Variants in ASIC2 observed in about 807,000 individuals in gnomAD.
ASIC2 encodes the protein acid-sensing ion channel 2.
ASIC2 carries 25 observed loss-of-function variants against 57.3 expected under a neutral mutation model. The observed-to-expected ratio is 0.44, with a 90% CI of 0.32 to 0.61. ASIC2 has a LOEUF of 0.61. Ranked by LOEUF, ASIC2 falls within the 20% of genes least tolerant of loss-of-function variation. The probability of loss-of-function intolerance (pLI) is 0.06; values close to 1 mark genes in which losing one functional copy is unlikely to be tolerated. For synonymous variants in ASIC2, 319 were observed against 307.5 expected (o/e 1.04, Z -0.39); for missense variants, 641 against 738.1 (o/e 0.87, Z 1.52).
At chr17:34,111,895 T>C (rs897952917) in intron 1 of ASIC2, among the ~76,000 whole-genome samples, 5 of 152,212 alleles carry the variant, frequency 3.3e-5, no homozygotes, top group Admixed American at 6.5e-5. Context: ...AGTGATTATT[T>C]AGTGATTTTG....
intron 1 of ASIC2, among the ~76,000 whole-genome samples, chr17:33,703,427 A>T (rs928024001): frequency 6.6e-6 from 1 of 151,480 alleles, no homozygotes; most frequent in Non-Finnish European, 1.5e-5. Context: ...ATCTCTGCTT[A>T]CTGCAACCTC....
chr17:33,337,641 G>C (rs553093028), intron 1 of ASIC2, among the ~76,000 whole-genome samples: 2 of 152,362 alleles, frequency 1.3e-5, no homozygotes, highest in South Asian at 4.1e-4. Flanking sequence ...GCTAGGCAAA[G>C]AGGGTGGAGA....
chr17:33,280,324 C>A (rs1370123777), intron 1 of ASIC2, among the ~76,000 whole-genome samples: 2 of 152,150 alleles, frequency 1.3e-5, no homozygotes. Flanking sequence ...ACAAAAAAGG[C>A]TCTCACTCCA....
intron 1 of ASIC2, among the ~76,000 whole-genome samples, chr17:33,783,176 CA>C (rs1264885140): frequency 2.0e-5 from 3 of 152,214 alleles, no homozygotes; most frequent in Admixed American, 1.3e-4. Flanking sequence ...ACCTGCTTAC[CA>C]GTTGATTGTT....
chr17:33,871,782 A>G (rs370082), intron 1 of ASIC2, among the ~76,000 whole-genome samples: 41,610 of 151,960 alleles, frequency 0.27, 5,961 homozygotes, highest in Middle Eastern at 0.36. Context: ...TGGAGGTGAT[A>G]GTAAACAGTC....
intron 1 of ASIC2, among the ~76,000 whole-genome samples, chr17:33,888,931 G>A (rs1248633312): frequency 6.6e-6 from 1 of 152,004 alleles, no homozygotes; most frequent in South Asian, 2.1e-4. Context: ...GGAAGCAGAG[G>A]GACCCAAAAG....
intron 1 of ASIC2, among the ~76,000 whole-genome samples, chr17:34,064,556 T>TA (rs1042153742): frequency 2.0e-5 from 3 of 151,978 alleles, no homozygotes; most frequent in African/African-American, 7.2e-5. Flanking sequence ...GCTTTTTTTT[T>TA]ACAGCAAAAG....
At chr17:33,515,994 CG>C (rs1371563178) in intron 1 of ASIC2, among the ~76,000 whole-genome samples, 3 of 151,636 alleles carry the variant, frequency 2.0e-5, no homozygotes, top group Non-Finnish European at 4.4e-5. Context: ...CTACTTGGGG[CG>C]GGGGATGGCT....
chr17:33,633,229 C>T (rs7221246), intron 1 of ASIC2, among the ~76,000 whole-genome samples: 44,726 of 152,024 alleles, frequency 0.29, 6,739 homozygotes, highest in East Asian at 0.42. Flanking sequence ...CTTGCCACAG[C>T]GCTCCTGACC....
intron 1 of ASIC2, among the ~76,000 whole-genome samples, chr17:33,539,429 G>A (rs1218020807): frequency 6.6e-6 from 1 of 152,228 alleles, no homozygotes; most frequent in Non-Finnish European, 1.5e-5. Context: ...CTCAAGGCTG[G>A]ATTCCAAGGT....
intron 1 of ASIC2, among the ~76,000 whole-genome samples, chr17:33,509,972 T>C (rs1435707298): frequency 1.3e-5 from 2 of 152,202 alleles, no homozygotes; most frequent in Non-Finnish European, 2.9e-5. Flanking sequence ...GAGTAGATAG[T>C]ACTGTAGTGG....
At chr17:33,177,562 G>A (rs967847218) in intron 1 of ASIC2, among the ~76,000 whole-genome samples, 5 of 152,122 alleles carry the variant, frequency 3.3e-5, no homozygotes, top group African/African-American at 9.7e-5. Context: ...AGAGGAAGTC[G>A]GGATATATGA....
chr17:33,740,995 A>G (rs539886015), intron 1 of ASIC2, among the ~76,000 whole-genome samples: 161 of 152,236 alleles, frequency 1.1e-3, no homozygotes, highest in African/African-American at 3.8e-3. Context: ...CTCGGCTATT[A>G]CCTCCTCCAG....
chr17:33,258,786 G>A (rs958547312), intron 1 of ASIC2, among the ~76,000 whole-genome samples: 1 of 152,150 alleles, frequency 6.6e-6, no homozygotes, highest in Non-Finnish European at 1.5e-5. Context: ...CCCAGAAGTG[G>A]CCCAGCTGGT....
intron 1 of ASIC2, among the ~76,000 whole-genome samples, chr17:33,398,305 T>C (rs1910153240): frequency 6.6e-6 from 1 of 152,132 alleles, no homozygotes; most frequent in Non-Finnish European, 1.5e-5. Context: ...TAAATACTTG[T>C]TGAGTGAATT....
chr17:33,776,950 T>C (rs1342894060), intron 1 of ASIC2, among the ~76,000 whole-genome samples: 1 of 152,190 alleles, frequency 6.6e-6, no homozygotes, highest in Non-Finnish European at 1.5e-5. Context: ...CCTCGCTCCC[T>C]CCATCCTGAG....
intron 1 of ASIC2, among the ~76,000 whole-genome samples, chr17:33,245,802 G>A (rs1005686572): frequency 1.2e-4 from 18 of 152,218 alleles, no homozygotes; most frequent in African/African-American, 4.3e-4. Context: ...GAGGCCATAG[G>A]CTAAGGCAGA....
intron 1 of ASIC2, among the ~76,000 whole-genome samples, chr17:33,829,844 T>G (rs1411662900): frequency 2.6e-5 from 4 of 152,104 alleles, no homozygotes; most frequent in African/African-American, 7.2e-5. Flanking sequence ...ATTACAGGCG[T>G]GAGCCACCGC....
chr17:34,042,111 A>C (rs541282444), intron 1 of ASIC2, among the ~76,000 whole-genome samples: 2 of 152,348 alleles, frequency 1.3e-5, no homozygotes, highest in Non-Finnish European at 2.9e-5. Context: ...TATAATCCTC[A>C]TATGCTGCTG....
Sources: allele counts gnomAD v4.1 joint callset (sites outside exome capture counted in the v4.1 genomes callset), GRCh38; gene constraint gnomAD v4.1.1; transcripts MANE v1.5; gene names NCBI Gene and HGNC (gene_info 2026-07-23, HGNC 2026-07-21).